The following PCDHA2 variants were observed in gnomAD, a reference collection of about 807,000 sequenced individuals.
PCDHA2 encodes the protein protocadherin alpha-2.
Under a neutral mutation model 66.0 loss-of-function variants are expected in PCDHA2, and 58 were observed. That is an observed-to-expected ratio of 0.88 (90% confidence interval 0.71 to 1.09). The LOEUF (loss-of-function observed/expected upper bound fraction) is 1.09. Among genes scored for constraint, PCDHA2 ranks in the 50% least tolerant of loss-of-function variants. The pLI is 0.00. For synonymous variants in PCDHA2, 634 were observed against 554.0 expected (o/e 1.14, Z -2.03); for missense variants, 1,267 against 1,242.3 (o/e 1.02, Z -0.30).
rs1387090858 is a variant in PCDHA2, at chr5:140,923,184, T to C, written c.2389-55765T>C. Reference sequence around the variant, plus strand: ...AGATAAATTTTTGTTCAGATGCATCTACTGCAGCAATTTGGGAGGCTAAGG... The same window carrying C: ...AGATAAATTTTTGTTCAGATGCATCCACTGCAGCAATTTGGGAGGCTAAGG... On this transcript the variant is annotated intron_variant, in intron 1 of 3. Transcript: ENST00000526136. Among the ~76,000 whole-genome samples the C allele has an allele frequency of 3.9e-5, 6 of 152,146 alleles. No homozygotes were observed. In the East Asian group the frequency reaches 1.2e-3, roughly 29 times the overall value.
intron 1 of PCDHA2, among the ~76,000 whole-genome samples, chr5:140,897,305 G>T (rs952231570): frequency 6.6e-6 from 1 of 150,594 alleles, no homozygotes; most frequent in Non-Finnish European, 1.5e-5. Context: ...TTAGCATTAG[G>T]TATATCTCCT....
chr5:140,824,626 T>TTTTTTTTTTG (rs1768277124), intron 1 of PCDHA2: 3 of 133,454 alleles, frequency 2.2e-5, no homozygotes, highest in African/African-American at 3.2e-5. Flanking sequence ...TTTTTTTTTT[T>TTTTTTTTTTG]TTTTTTATTT....
chr5:140,882,391 C>T, intron 1 of PCDHA2: 2 of 1,614,214 alleles, frequency 1.2e-6, no homozygotes, highest in Non-Finnish European at 8.5e-7. Context: ...AAGCAAAACA[C>T]GGCACCTTCG....
chr5:140,797,762 T>C (rs1762260750), intron 1 of PCDHA2, among the ~76,000 whole-genome samples: 1 of 152,260 alleles, frequency 6.6e-6, no homozygotes, highest in African/African-American at 2.4e-5. Context: ...GGATAGTGTT[T>C]GGAATAACCT....
chr5:140,879,943 G>C (rs1554171086), intron 1 of PCDHA2, among the ~76,000 whole-genome samples: 1 of 152,078 alleles, frequency 6.6e-6, no homozygotes, highest in Non-Finnish European at 1.5e-5. Flanking sequence ...ATTGTATTTA[G>C]GGCCCATCTG....
At chr5:140,827,748 C>A (rs1290868920) in intron 1 of PCDHA2, among the ~76,000 whole-genome samples, 1 of 152,166 alleles carries the variant, frequency 6.6e-6, no homozygotes, top group Non-Finnish European at 1.5e-5. Context: ...AATTAGATCC[C>A]TTACTTTAAA....
intron 1 of PCDHA2, among the ~76,000 whole-genome samples, chr5:140,832,012 G>A (rs2150199048): frequency 7.9e-5 from 12 of 152,234 alleles, no homozygotes; most frequent in Admixed American, 1.3e-4. Context: ...TTCATTTTAC[G>A]TAAAGATTGA....
At chr5:140,800,970 G>A in intron 1 of PCDHA2, 3 of 1,247,568 alleles carry the variant, frequency 2.4e-6, no homozygotes, top group Non-Finnish European at 3.1e-6. Context: ...AAGAAGATAC[G>A]TTTACATATT....
At chr5:140,927,342 TGAC>T (rs1554204398) in intron 1 of PCDHA2, 1 of 1,614,160 alleles carries the variant, frequency 6.2e-7, no homozygotes, top group Non-Finnish European at 8.5e-7. Context: ...ATGCCCAAGA[TGAC>T]GACGAGGGAA....
intron 1 of PCDHA2, chr5:140,871,720 TA>T: frequency 1.3e-6 from 1 of 767,368 alleles, no homozygotes; most frequent in Non-Finnish European, 2.0e-6. Flanking sequence ...CTATTTCTCT[TA>T]ATATTTGGTT....
chr5:140,805,374 G>C, intron 1 of PCDHA2: 1 of 1,139,186 alleles, frequency 8.8e-7, no homozygotes, highest in Non-Finnish European at 1.1e-6. Context: ...CCCACATAGT[G>C]AAAGTACTCT....
chr5:140,803,108 G>T (rs1554122579), intron 1 of PCDHA2: 21 of 1,613,830 alleles, frequency 1.3e-5, no homozygotes, highest in Non-Finnish European at 1.7e-5. Flanking sequence ...CCCGTGCCCT[G>T]GACGAGGTGG....
intron 1 of PCDHA2, chr5:140,927,577 A>T: frequency 6.2e-7 from 1 of 1,614,170 alleles, no homozygotes; most frequent in Non-Finnish European, 8.5e-7. Flanking sequence ...CACAAATGAC[A>T]ACGCGCCTGT....
intron 1 of PCDHA2, chr5:140,834,581 G>C: frequency 1.2e-6 from 2 of 1,614,124 alleles, no homozygotes; most frequent in East Asian, 4.5e-5. Flanking sequence ...TGTTCCGGGC[G>C]GTGTGCAAAT....
At chr5:140,938,508 A>G (rs1563167946) in intron 1 of PCDHA2, among the ~76,000 whole-genome samples, 1 of 152,046 alleles carries the variant, frequency 6.6e-6, no homozygotes, top group African/African-American at 2.4e-5. Context: ...AATTTATCAC[A>G]TATTTTCTGT....
At chr5:140,856,701 AAC>A (rs2150363820) in intron 1 of PCDHA2, 1 of 1,597,018 alleles carries the variant, frequency 6.3e-7, no homozygotes, top group East Asian at 2.2e-5. Context: ...GATGGAGGCA[AAC>A]CTGAATTTAC....
At chr5:140,898,748 G>C (rs1397892217) in intron 1 of PCDHA2, among the ~76,000 whole-genome samples, 44 of 152,222 alleles carry the variant, frequency 2.9e-4, no homozygotes, top group Non-Finnish European at 5.0e-4. Context: ...TAGCTTGATG[G>C]GGATGGCATT....
In PCDHA2 at chr5:140,857,556, T is replaced by C. The variant is rs781993692; in HGVS notation, c.2388+60204T>C. ...GAGCGGCGGTTGGGCGAGCGCTCGC[T>C]GTCGAGCTACGTGTCGGTGCACGCG... On this transcript the variant is annotated intron_variant, in intron 1 of 3. Coordinates refer to ENST00000526136, the MANE Select transcript of PCDHA2 (RefSeq NM_018905.3). 6 of 1,596,822 alleles carry C rather than the reference T, an allele frequency of 3.8e-6. No homozygotes were observed. In the Admixed American group the frequency reaches 1.0e-4, roughly 27 times the overall value.
rs151198566 is a variant in PCDHA2 at position 140,817,886 on chromosome 5, C to A, written c.2388+20534C>A. Reference sequence around the variant, plus strand: ...GGGTATTGAATGAAAGTTATTTTTGCCAGCACTTTTAAGATGACATTCCAT... The same window carrying A: ...GGGTATTGAATGAAAGTTATTTTTGACAGCACTTTTAAGATGACATTCCAT... On this transcript the variant is annotated intron_variant, in intron 1 of 3. Coordinates refer to ENST00000526136, the MANE Select transcript of PCDHA2 (RefSeq NM_018905.3). Among the ~76,000 whole-genome samples, 142 of 152,234 alleles carry A rather than the reference C, an allele frequency of 9.3e-4. 1 individual carries two copies. The highest frequency in any genetic ancestry group is 3.3e-3 in the African/African-American group (137 of 41,540).
Sources: gnomAD v4.1 joint callset for allele counts (sites outside exome capture counted in the v4.1 genomes callset) on GRCh38, gnomAD v4.1.1 for gene constraint, MANE v1.5 for transcripts, NCBI Gene and HGNC (gene_info 2026-07-23, HGNC 2026-07-21) for gene names.